The following DCTN5 variants were observed in gnomAD, a reference collection of about 807,000 sequenced individuals.
The protein encoded by DCTN5 is dynactin 4.
Under a neutral mutation model 23.5 loss-of-function variants are expected in DCTN5, and 14 were observed. That is an observed-to-expected ratio of 0.60 (90% CI 0.39 to 0.93). The LOEUF is 0.93. Among genes scored for constraint, DCTN5 ranks in the 40% least tolerant of loss-of-function variants. The pLI, the probability that DCTN5 is intolerant of heterozygous loss-of-function variation, is 0.00. For synonymous variants in DCTN5, 67 were observed against 79.6 expected (o/e 0.84, Z 0.84); for missense variants, 156 against 225.9 (o/e 0.69, Z 1.98).
At chr16:23,663,143 G>A (rs1285579102) in intron 4 of DCTN5, among the ~76,000 whole-genome samples, 2 of 152,214 alleles carry the variant, frequency 1.3e-5, no homozygotes, top group African/African-American at 2.4e-5. Context: ...GTTTGGATAT[G>A]TGAAGATGTA....
rs200353694 is a variant in DCTN5 at position 23,648,384 on chromosome 16, G to A, written c.117+5361G>A. Reference sequence around the variant, plus strand: ...TTTTTTTTAGAGACACAGTCTCGCTGTGTCGCCTGGGCTAAAGTGCAGTGG... The same window carrying A: ...TTTTTTTTAGAGACACAGTCTCGCTATGTCGCCTGGGCTAAAGTGCAGTGG... On this transcript the variant is annotated intron_variant, in intron 2 of 5. Coordinates refer to ENST00000300087, the MANE Select transcript of DCTN5 (RefSeq NM_032486.4). Among the ~76,000 whole-genome samples the A allele has an allele frequency of 2.5e-4, 32 of 128,204 alleles. No homozygotes were observed. The East Asian group carries it at 4.0e-3, about 16-fold the overall frequency. The allele number at this position is 128,204 out of a possible 152,430, so 84.1% of individuals were successfully genotyped here.
Position 23,643,029 on chromosome 16 carries a change from G to A in DCTN5, c.117+6G>A. On this transcript the variant is annotated splice_donor_region_variant and intron_variant, in intron 2 of 5. Transcript: ENST00000300087. ...ACATCGTTCTCAATGGCAAGGTAAG[G>A]GACAAAGCCAGCTCCAGGCTGCAAA... is the stretch of plus-strand genomic sequence containing the variant. 2 of 1,613,828 alleles carry A rather than the reference G, an allele frequency of 1.2e-6. No homozygotes were observed. Among genetic ancestry groups the A allele is most frequent in the South Asian group, 1.1e-5 (1 of 91,076 alleles).
At chr16:23,665,812 C>T in intron 5 of DCTN5, 84 bp downstream of exon 5, 3 of 1,120,234 alleles carry the variant, frequency 2.7e-6, no homozygotes, top group Non-Finnish European at 3.9e-6. Context: ...CTTACGATTC[C>T]TATCTCTGGC....
At chr16:23,658,361 C>G in intron 2 of DCTN5, 146 bp from the exon 3 acceptor site, 2 of 643,736 alleles carry the variant, frequency 3.1e-6, no homozygotes, top group Non-Finnish European at 5.5e-6. Flanking sequence ...TTTTACCTTA[C>G]AATTTATTCC....
At position 23,666,918 on chromosome 16, in the gene DCTN5, A is replaced by G. The variant is rs1967917323; in HGVS notation, c.452-129A>G. ...TTCTTAGCAAGCACTGGACCAGAAC[A>G]GCCTCAGCGATTATTTAAGTGATTG... is the stretch of plus-strand genomic sequence containing the variant. On this transcript the variant is annotated intron_variant, in intron 5 of 5. Transcript: ENST00000300087. The G allele has an allele frequency of 3.5e-6, 5 of 1,446,456 alleles. No homozygotes were observed. The South Asian group carries it at 6.5e-5, about 19-fold the overall frequency. 89.6% of individuals were successfully genotyped at this position (1,446,456 alleles called of 1,614,324 possible).
Position 23,641,519 on chromosome 16 carries a change from G to A in DCTN5, c.-24G>A. On this transcript the variant is annotated 5_prime_UTR_variant, in exon 1 of 6. Coordinates refer to ENST00000300087, the MANE Select transcript of DCTN5 (RefSeq NM_032486.4). ...ACCGACTGACTCTGACAGGATCCGGGGCTGAGGGAAGGAGGCGGCGGCCAT... is the reference window on the plus strand; with the variant it reads ...ACCGACTGACTCTGACAGGATCCGGAGCTGAGGGAAGGAGGCGGCGGCCAT... 1.2e-6 allele frequency: 2 copies of A among 1,614,070 alleles called. No homozygotes were observed. The highest frequency in any genetic ancestry group is 1.7e-6 in the Non-Finnish European group (2 of 1,179,976).
chr16:23,651,440 C>T (rs1253086632), intron 2 of DCTN5, among the ~76,000 whole-genome samples: 1 of 152,216 alleles, frequency 6.6e-6, no homozygotes, highest in Non-Finnish European at 1.5e-5. Context: ...CATGTGTTTG[C>T]TTCTTTAGTT....
chr16:23,663,526 C>T (rs1422615974), intron 4 of DCTN5, among the ~76,000 whole-genome samples: 1 of 152,022 alleles, frequency 6.6e-6, no homozygotes, highest in African/African-American at 2.4e-5. Context: ...CCAGCCTGGC[C>T]AACATGGTGA....
intron 1 of DCTN5, among the ~76,000 whole-genome samples, chr16:23,642,256 C>G (rs1238873345): frequency 6.6e-6 from 1 of 152,086 alleles, no homozygotes; most frequent in Non-Finnish European, 1.5e-5. Context: ...ATGATCAGTA[C>G]ATGATATGTT....
chr16:23,648,146 T>C (rs1026252156), intron 2 of DCTN5, among the ~76,000 whole-genome samples: 2 of 151,960 alleles, frequency 1.3e-5, no homozygotes, highest in Admixed American at 6.6e-5. Context: ...TATTTATTTG[T>C]TTAATTTATT....
At chr16:23,649,052 G>A (rs1364300280) in intron 2 of DCTN5, among the ~76,000 whole-genome samples, 3 of 152,118 alleles carry the variant, frequency 2.0e-5, no homozygotes, top group African/African-American at 7.2e-5. Flanking sequence ...TAGAGACGAG[G>A]TTTCACCATA....
At chr16:23,656,200 C>T (rs745321438) in intron 2 of DCTN5, among the ~76,000 whole-genome samples, 2 of 152,180 alleles carry the variant, frequency 1.3e-5, no homozygotes, top group Non-Finnish European at 2.9e-5. Flanking sequence ...GCACTCCAGC[C>T]TGGGTGACAG....
At chr16:23,662,159 T>C (rs1967824979) in intron 4 of DCTN5, among the ~76,000 whole-genome samples, 1 of 152,152 alleles carries the variant, frequency 6.6e-6, no homozygotes, top group Non-Finnish European at 1.5e-5. Flanking sequence ...CTATATGGCC[T>C]ACTTATTGCC....
intron 2 of DCTN5, among the ~76,000 whole-genome samples, chr16:23,657,942 C>T (rs1461000031): frequency 6.6e-6 from 1 of 152,178 alleles, no homozygotes; most frequent in African/African-American, 2.4e-5. Flanking sequence ...GGTGCCTACT[C>T]TTTACCAAGT....
intron 2 of DCTN5, among the ~76,000 whole-genome samples, 180 bp downstream of exon 2, chr16:23,643,203 G>GT (rs963411247): frequency 2.0e-5 from 3 of 150,110 alleles, no homozygotes; most frequent in Admixed American, 6.6e-5. Context: ...TTTTGTTTCG[G>GT]TTTTTTTTGA....
chr16:23,642,710 C>T (rs1967321226), intron 1 of DCTN5: 1 of 462,920 alleles, frequency 2.2e-6, no homozygotes, highest in Admixed American at 3.6e-5. Flanking sequence ...TGGTCTTGAG[C>T]TCCTGTCCTC....
chr16:23,657,421 A>C (rs1967726302), intron 2 of DCTN5: 2 of 393,962 alleles, frequency 5.1e-6, no homozygotes, highest in Non-Finnish European at 5.0e-6. Flanking sequence ...GTGGCACTGC[A>C]CTGCAGCCTG....
intron 2 of DCTN5, chr16:23,650,825 T>A (rs1326802198): frequency 6.7e-6 from 10 of 1,494,200 alleles, no homozygotes; most frequent in Non-Finnish European, 9.0e-6. Context: ...TAGAAAGAGA[T>A]CAGATGAGTC....
chr16:23,642,871 C>A, intron 1 of DCTN5, 84 bp from the exon 2 acceptor site: 1 of 1,242,904 alleles, frequency 8.0e-7, no homozygotes, highest in Middle Eastern at 1.9e-4. Flanking sequence ...TTTTTTCTCT[C>A]AAATGGGAGC....
Sources: allele counts gnomAD v4.1 joint callset (sites outside exome capture counted in the v4.1 genomes callset), GRCh38; gene constraint gnomAD v4.1.1; transcripts MANE v1.5; gene names NCBI Gene and HGNC (gene_info 2026-07-23, HGNC 2026-07-21).